GLMN: variants seen among roughly 807,000 people sequenced by gnomAD.
The protein encoded by GLMN is glomulin, FKBP associated protein.
GLMN carries 75 observed loss-of-function variants against 87.8 expected under a neutral mutation model. That is an observed-to-expected ratio of 0.85 (90% CI 0.71 to 1.04). The LOEUF (loss-of-function observed/expected upper bound fraction) is 1.04. GLMN is among the 50% of genes least tolerant of loss of function. GLMN has a pLI of 0.00. For missense variants in GLMN, 588 were observed against 658.8 expected, an observed-to-expected ratio of 0.89 and a Z score of 1.18; for synonymous variants, 206 against 221.6, an observed-to-expected ratio of 0.93 and a Z score of 0.63.
chr1:92,309,540 CATACACAT>C, the GLMN span, among the ~76,000 whole-genome samples: 1 of 4,136 alleles, frequency 2.4e-4, no homozygotes, highest in Non-Finnish European at 3.6e-4. Context: ...AGGCTACACA[CATACACAT>C]ACACATACAC....
Position 92,266,508 on chromosome 1 carries a change from CAATATT to C in GLMN, c.1141-22_1141-17del. On this transcript the variant is annotated splice_polypyrimidine_tract_variant and intron_variant, in intron 12 of 18. Coordinates refer to ENST00000370360, the MANE Select transcript of GLMN (RefSeq NM_053274.3). Reference sequence around the variant, plus strand: ...TCTTTTTCCTCTAAAATGGAACAAACAATATTATTATATAAAATGAATAAAGCTTAC... The same window carrying C: ...TCTTTTTCCTCTAAAATGGAACAAACATTATATAAAATGAATAAAGCTTAC... 3 of 1,441,580 alleles carry C rather than the reference CAATATT, an allele frequency of 2.1e-6. No individual in the cohort carries two copies. The highest frequency in any genetic ancestry group is 2.9e-6 in the Non-Finnish European group (3 of 1,026,622). 89.3% of individuals were successfully genotyped at this position (1,441,580 alleles called of 1,614,324 possible). A position where few individuals can be genotyped will look rare whatever the true frequency, so the allele number is the denominator to read the frequency against.
At position 92,266,448 on chromosome 1, in the gene GLMN, C is replaced by G. The variant is rs778723224; in HGVS notation, c.1185G>C (p.Leu395Phe). The G allele has an allele frequency of 1.5e-5, 24 of 1,571,342 alleles. No individual in the cohort carries two copies. The highest frequency in any genetic ancestry group is 2.0e-5 in the Non-Finnish European group (23 of 1,142,038). The change falls in exon 13 of 19, where the codon TTG becomes TTC. Residue 395 changes from leucine (L) to phenylalanine (F), a missense_variant. Leu to Phe is a conservative substitution (Grantham distance 22, BLOSUM62 0). Transcript: ENST00000370360. ...ATAATGTATATTTGCCTTGTGAATC[C>G]AACTTGTTAATATACAGCTGAAGCA... ...LAMLQLYINKLDSQGKYTLFR... is the reference protein window; with the variant it reads ...LAMLQLYINKFDSQGKYTLFR...
At chr1:92,316,216 G>T in the GLMN span, among the ~76,000 whole-genome samples, 1 of 152,136 alleles carries the variant, frequency 6.6e-6, no homozygotes. Context: ...TCCAGAGTAG[G>T]GGATTTCACA....
At chr1:92,274,838 C>T (rs1014935208) in intron 7 of GLMN, among the ~76,000 whole-genome samples, 7 of 152,300 alleles carry the variant, frequency 4.6e-5, no homozygotes, top group Admixed American at 3.3e-4. Flanking sequence ...CTACTTCTGA[C>T]TTCTCCAGTC....
chr1:92,302,590 A>ATTTTTTTTTTTTTTTTTTTTTTTTT (rs36067595), upstream of GLMN, among the ~76,000 whole-genome samples: 1 of 74,316 alleles, frequency 1.3e-5, no homozygotes. Flanking sequence ...TCCGCATTAA[A>ATTTTTTTTTTTTTTTTTTTTTTTTT]TTTTTTTTTT....
the GLMN span, among the ~76,000 whole-genome samples, chr1:92,344,139 G>A: frequency 2.6e-4 from 39 of 152,102 alleles, no homozygotes; most frequent in Non-Finnish European, 3.7e-4. Flanking sequence ...GCTGGGCACC[G>A]TAGCTCATAC....
chr1:92,267,779 C>A, intron 11 of GLMN, 134 bp downstream of exon 11: 1 of 666,452 alleles, frequency 1.5e-6, no homozygotes, highest in East Asian at 2.6e-5. Context: ...TGTCAAAGTT[C>A]TACTGGACAG....
chr1:92,247,206 A>T, intron 17 of GLMN, 62 bp from the exon 18 acceptor site: 1 of 831,060 alleles, frequency 1.2e-6, no homozygotes. Context: ...CAAAGGTATA[A>T]GCTACTTTCA....
chr1:92,311,099 C>G, the GLMN span, among the ~76,000 whole-genome samples: 1 of 152,220 alleles, frequency 6.6e-6, no homozygotes, highest in African/African-American at 2.4e-5. Context: ...ATGCTGGCAG[C>G]AACCTACTTA....
chr1:92,286,598 G>C lies in GLMN; in HGVS notation c.633-6C>G, dbSNP rs763221846. 1.4e-6 allele frequency: 2 copies of C among 1,426,656 alleles called. No individual in the cohort carries two copies. The highest frequency in any genetic ancestry group is 2.3e-5 in the South Asian group (2 of 87,280). The allele number at this position is 1,426,656 out of a possible 1,614,324, so 88.4% of individuals were successfully genotyped here. A position where few individuals can be genotyped will look rare whatever the true frequency, so the allele number is the denominator to read the frequency against. ...ATTTCAAGCTTTTGAAACAACTAAG[G>C]CATAAGAAATAGGTAACTATGAAAT... On this transcript the variant is annotated splice_polypyrimidine_tract_variant and splice_region_variant and intron_variant, in intron 6 of 18. Transcript: ENST00000370360.
the GLMN span, among the ~76,000 whole-genome samples, chr1:92,356,199 A>T: frequency 5.3e-5 from 8 of 151,806 alleles, no homozygotes; most frequent in African/African-American, 1.9e-4. Flanking sequence ...GCTGGTCTCA[A>T]CTCCTGGTTT....
intron 7 of GLMN, among the ~76,000 whole-genome samples, chr1:92,280,699 CAAG>C (rs141393613): frequency 0.045 from 6,816 of 152,130 alleles, 399 homozygotes; most frequent in African/African-American, 0.14. Context: ...TAACCCATCA[CAAG>C]GAGGATAAAA....
chr1:92,367,640 C>G, the GLMN span, among the ~76,000 whole-genome samples: 4 of 152,334 alleles, frequency 2.6e-5, no homozygotes, highest in East Asian at 7.7e-4. Context: ...TGCAGCAGAA[C>G]TCTGCATGAA....
intron 8 of GLMN, 105 bp from the exon 9 acceptor site, chr1:92,269,881 T>G: frequency 3.9e-6 from 3 of 773,946 alleles, no homozygotes; most frequent in Non-Finnish European, 6.8e-6. Flanking sequence ...AAAAAAGATA[T>G]GTTGGAGTCC....
chr1:92,324,506 C>T, the GLMN span: 2 of 730,744 alleles, frequency 2.7e-6, no homozygotes, highest in Non-Finnish European at 4.4e-6. Context: ...AGTCATTCTG[C>T]CTTTTGGTTT....
chr1:92,246,826 T>C (rs909755754), intron 18 of GLMN, among the ~76,000 whole-genome samples, 180 bp from the exon 19 acceptor site: 3 of 151,912 alleles, frequency 2.0e-5, no homozygotes, highest in African/African-American at 4.8e-5. Flanking sequence ...AGGCCAGGAG[T>C]TGGAGACCAG....
chr1:92,366,492 G>A, the GLMN span, among the ~76,000 whole-genome samples: 4 of 152,126 alleles, frequency 2.6e-5, no homozygotes, highest in Non-Finnish European at 5.9e-5. Context: ...CTTCAACAGG[G>A]TGACAGGTTC....
At chr1:92,306,584 A>C in the GLMN span, among the ~76,000 whole-genome samples, 1 of 152,176 alleles carries the variant, frequency 6.6e-6, no homozygotes, top group South Asian at 2.1e-4. Flanking sequence ...AGAAGTGGCT[A>C]GGTACGGTGG....
the GLMN span, among the ~76,000 whole-genome samples, chr1:92,325,349 TAG>T: frequency 6.6e-6 from 1 of 152,160 alleles, no homozygotes; most frequent in East Asian, 1.9e-4. Context: ...TATATTTCTA[TAG>T]AGTGTTGCTT....
Sources: allele counts gnomAD v4.1 joint callset (sites outside exome capture counted in the v4.1 genomes callset), GRCh38; gene constraint gnomAD v4.1.1; transcripts MANE v1.5; gene names NCBI Gene and HGNC (gene_info 2026-07-23, HGNC 2026-07-21).